The following ASMTL variants were observed in gnomAD, a reference collection of about 807,000 sequenced individuals.
ASMTL encodes probable bifunctional dTTP/UTP pyrophosphatase/methyltransferase protein.
Under a neutral mutation model 60.3 loss-of-function variants are expected in ASMTL, and 57 were observed. The ratio of observed to expected loss-of-function variants is 0.95; its 90% CI spans 0.76 to 1.18. The LOEUF (loss-of-function observed/expected upper bound fraction) is 1.18, where lower values mean the gene tolerates loss of function less well. ASMTL is among the 50% of genes most tolerant of loss of function. ASMTL has a pLI of 0.00. For missense variants in ASMTL, 981 were observed against 852.6 expected, an observed-to-expected ratio of 1.15 and a Z score of -1.88; for synonymous variants, 419 against 373.0, an observed-to-expected ratio of 1.12 and a Z score of -1.42.
rs772702769 is a variant in ASMTL, at chrX:1,439,242, G to A, written c.226-98C>T. ...GGGCGTGAAAGAGCACCGCAGGGGC[G>A]AAGCCAGGCCGACTTTGGAAGTGAA... On this transcript the variant is annotated intron_variant, in intron 2 of 12. Transcript: ENST00000381317. 92 of 1,301,780 alleles carry A rather than the reference G, an allele frequency of 7.1e-5. 1 individual carries two copies. The highest frequency in any genetic ancestry group is 2.0e-4 in the Middle Eastern group (1 of 5,038). 80.6% of individuals were successfully genotyped at this position (1,301,780 alleles called of 1,614,324 possible).
intron 1 of ASMTL, among the ~76,000 whole-genome samples, chrX:1,443,459 C>T (rs2091162687): frequency 6.7e-6 from 1 of 149,508 alleles, no homozygotes; most frequent in Non-Finnish European, 1.5e-5. Flanking sequence ...CCATCTTGGA[C>T]ACACACCACC....
intron 6 of ASMTL, chrX:1,432,004 C>T: frequency 1.8e-6 from 1 of 547,938 alleles, no homozygotes. Flanking sequence ...TCTACCCCTG[C>T]CCAGCGCCTC....
chrX:1,440,359 G>A (rs1196016316), intron 2 of ASMTL, among the ~76,000 whole-genome samples: 1 of 152,014 alleles, frequency 6.6e-6, no homozygotes, highest in Non-Finnish European at 1.5e-5. Flanking sequence ...CAAAGTGCTG[G>A]GATGACAGGT....
rs746828872 is a variant in ASMTL, at chrX:1,419,264, T to C, written c.1246-150A>G. The C allele has an allele frequency of 4.8e-6, 4 of 841,280 alleles. No individual in the cohort carries two copies. In the East Asian group the frequency reaches 1.1e-4, roughly 23 times the overall value. The allele number at this position is 841,280 out of a possible 1,614,324, so 52.1% of individuals were successfully genotyped here. A position where few individuals can be genotyped will look rare whatever the true frequency, so the allele number is the denominator to read the frequency against. ...TGCAGAGCGGGCTTCATGCCACAGC[T>C]GTGTGGGCTACTCTTGTCTGTGTGG... is the stretch of plus-strand genomic sequence containing the variant. On this transcript the variant is annotated intron_variant, in intron 9 of 12. Coordinates refer to ENST00000381317, the MANE Select transcript of ASMTL (RefSeq NM_004192.4).
intron 12 of ASMTL, among the ~76,000 whole-genome samples, chrX:1,412,250 C>G (rs1442109828): frequency 2.7e-5 from 4 of 150,764 alleles, no homozygotes; most frequent in Non-Finnish European, 4.4e-5. Flanking sequence ...TTTTTTGACA[C>G]CGAATCTCAC....
At position 1,417,882 on chromosome X, in the gene ASMTL, AACAC is replaced by A; in HGVS notation, c.1522+87_1522+90del. The A allele has an allele frequency of 2.0e-6, 3 of 1,491,932 alleles. No individual in the cohort carries two copies. The East Asian group carries it at 6.9e-5, about 35-fold the overall frequency. The allele number at this position is 1,491,932 out of a possible 1,614,324, so 92.4% of individuals were successfully genotyped here. ...CCCACCATGGAAACGCCCAGGCAGA[AACAC>A]AGGTGCACACACAGCCATGCCCTCT... On this transcript the variant is annotated intron_variant, in intron 11 of 12. Transcript: ENST00000381317.
chrX:1,434,964 A>C, intron 5 of ASMTL, 58 bp downstream of exon 5: 3 of 1,593,022 alleles, frequency 1.9e-6, no homozygotes, highest in Non-Finnish European at 2.6e-6. Flanking sequence ...GGTCCCGAGA[A>C]TGTCCCGGGT....
rs770784990 is a variant in ASMTL at position 1,417,664 on chromosome X, C to T, written c.1522+309G>A. The stretch of plus-strand genomic sequence containing the variant: ...ATACCCACACAGACACACACACATA[C>T]TCTCACAGAAACATATGCAACCACA... On this transcript the variant is annotated intron_variant, in intron 11 of 12. Coordinates refer to ENST00000381317, the MANE Select transcript of ASMTL (RefSeq NM_004192.4). Among the ~76,000 whole-genome samples, 28 of 151,390 alleles carry T rather than the reference C, an allele frequency of 1.8e-4. No homozygotes were observed. The East Asian group carries it at 4.7e-3, about 25-fold the overall frequency.
At chrX:1,429,472 C>G (rs1220558670) in intron 6 of ASMTL, among the ~76,000 whole-genome samples, 13 of 152,138 alleles carry the variant, frequency 8.5e-5, no homozygotes, top group African/African-American at 3.1e-4. Context: ...TGTGCCCGGC[C>G]TGTCTTTCTT....
chrX:1,427,161 A>T (rs1338289694), intron 7 of ASMTL, among the ~76,000 whole-genome samples: 4 of 151,902 alleles, frequency 2.6e-5, no homozygotes, highest in Non-Finnish European at 5.9e-5. Flanking sequence ...GGCCACGTGG[A>T]GACAAAGGCA....
intron 6 of ASMTL, among the ~76,000 whole-genome samples, chrX:1,428,665 A>G (rs1403560151): frequency 6.6e-6 from 1 of 150,854 alleles, no homozygotes; most frequent in African/African-American, 2.4e-5. Context: ...AAATAAATAA[A>G]TAAAATTTCA....
chrX:1,446,500 ATT>A (rs533497088), intron 1 of ASMTL, among the ~76,000 whole-genome samples: 8 of 131,746 alleles, frequency 6.1e-5, no homozygotes, highest in South Asian at 2.4e-4. Context: ...ATCTCATGAC[ATT>A]TTTTTTTTTT....
Position 1,442,423 on chromosome X carries a change from G to T in ASMTL, c.94-106C>A, listed in dbSNP as rs745848190. The T allele has an allele frequency of 5.9e-5, 77 of 1,312,914 alleles. No individual in the cohort carries two copies. The African/African-American group carries it at 9.9e-4, about 17-fold the overall frequency. The allele number at this position is 1,312,914 out of a possible 1,614,324, so 81.3% of individuals were successfully genotyped here. A position where few individuals can be genotyped will look rare whatever the true frequency, so the allele number is the denominator to read the frequency against. ...GCACATAGCGTTTGCTACACTCCCC[G>T]ACCCTGTCCCAGGTGAGCTCATCCA... is the stretch of plus-strand genomic sequence containing the variant. On this transcript the variant is annotated intron_variant, in intron 1 of 12. Transcript: ENST00000381317.
At chrX:1,422,949 T>G (rs1221237559) in intron 8 of ASMTL, among the ~76,000 whole-genome samples, 1 of 152,050 alleles carries the variant, frequency 6.6e-6, no homozygotes, top group African/African-American at 2.4e-5. Flanking sequence ...ATTTTCTTTC[T>G]TTTAATTTTT....
chrX:1,421,871 TC>T, intron 8 of ASMTL, 29 bp from the exon 9 acceptor site: 1 of 1,609,866 alleles, frequency 6.2e-7, no homozygotes, highest in Non-Finnish European at 8.5e-7. Flanking sequence ...TCGTGTGACC[TC>T]CTAACGAGAA....
At chrX:1,419,575 C>T (rs2090417180) in intron 9 of ASMTL, among the ~76,000 whole-genome samples, 1 of 151,888 alleles carries the variant, frequency 6.6e-6, no homozygotes, top group African/African-American at 2.4e-5. Flanking sequence ...AGGAGAAGCT[C>T]CTCCGAGCTT....
intron 12 of ASMTL, among the ~76,000 whole-genome samples, chrX:1,410,411 A>G (rs2149267441): frequency 6.6e-6 from 1 of 152,098 alleles, no homozygotes; most frequent in South Asian, 2.1e-4. Context: ...TATCTCCACA[A>G]AAAACTTTTT....
At chrX:1,421,969 A>C in intron 8 of ASMTL, 127 bp from the exon 9 acceptor site, 3 of 866,328 alleles carry the variant, frequency 3.5e-6, no homozygotes, top group Non-Finnish European at 5.6e-6. Flanking sequence ...CCGTACACTC[A>C]AGGAAACCTG....
At chrX:1,417,552 C>CACAG (rs2090336057) in intron 11 of ASMTL, among the ~76,000 whole-genome samples, 2 of 121,376 alleles carry the variant, frequency 1.6e-5, no homozygotes, top group African/African-American at 6.0e-5. Flanking sequence ...CACAGACACA[C>CACAG]AAGCACGACA....
Sources: allele counts gnomAD v4.1 joint callset (sites outside exome capture counted in the v4.1 genomes callset), GRCh38; gene constraint gnomAD v4.1.1; transcripts MANE v1.5; gene names NCBI Gene and HGNC (gene_info 2026-07-23, HGNC 2026-07-21).